NTN1: variants seen among roughly 807,000 people sequenced by gnomAD.
The protein encoded by NTN1 is netrin-1.
In NTN1, 11 loss-of-function variants were observed where a neutral mutation model predicts 54.2. The observed-to-expected ratio is 0.20, with a 90% CI of 0.13 to 0.34. NTN1 has a LOEUF of 0.34. Ranked by LOEUF, NTN1 falls within the 10% of genes least tolerant of loss-of-function variation. The pLI is 1.00. For missense variants in NTN1, 740 were observed against 893.1 expected, an observed-to-expected ratio of 0.83 and a Z score of 2.18; for synonymous variants, 371 against 382.0, an observed-to-expected ratio of 0.97 and a Z score of 0.33.
chr17:9,206,410 G>C (rs1567738596), intron 5 of NTN1, among the ~76,000 whole-genome samples: 1 of 152,194 alleles, frequency 6.6e-6, no homozygotes, highest in Non-Finnish European at 1.5e-5. Flanking sequence ...CATGGTCAGT[G>C]CAGCCCCCAA....
intron 5 of NTN1, among the ~76,000 whole-genome samples, chr17:9,205,657 C>T (rs535997600): frequency 5.4e-4 from 82 of 152,232 alleles, no homozygotes; most frequent in African/African-American, 1.6e-3. Flanking sequence ...TCCTGCATTG[C>T]GATGGGGGGA....
rs1008722240 is a variant in NTN1, at chr17:9,221,087, C to T, written c.1412-81C>T. The stretch of plus-strand genomic sequence containing the variant: ...ACAGGCCTCTGGCTATTTAGGGAGG[C>T]GGCCTCCTACTCTGCCCGCCAGCCT... On this transcript the variant is annotated intron_variant, in intron 5 of 6. Coordinates refer to ENST00000173229, the MANE Select transcript of NTN1 (RefSeq NM_004822.3). The surrounding 1 kb of genome is among the most constrained non-coding windows in gnomAD (Gnocchi z 4.5). 6.0e-5 allele frequency: 61 copies of T among 1,015,106 alleles called. No homozygotes were observed. Among genetic ancestry groups the T allele is most frequent in the Admixed American group, 3.1e-4 (18 of 58,914 alleles). The allele number at this position is 1,015,106 out of a possible 1,614,324, so 62.9% of individuals were successfully genotyped here.
chr17:9,237,125 G>A (rs1906018078), intron 6 of NTN1, among the ~76,000 whole-genome samples: 1 of 152,186 alleles, frequency 6.6e-6, no homozygotes, highest in Non-Finnish European at 1.5e-5. Context: ...TTCTAGGGCT[G>A]CCAGAACAAA....
At chr17:9,020,359 G>A (rs1410076098), upstream of NTN1, among the ~76,000 whole-genome samples, 1 of 152,210 alleles carries the variant, frequency 6.6e-6, no homozygotes, top group Non-Finnish European at 1.5e-5. Context: ...GGCTGCTGTT[G>A]CAAGATGACC....
chr17:9,193,203 TAGCAC>T (rs1281567959), intron 5 of NTN1, among the ~76,000 whole-genome samples: 2 of 152,172 alleles, frequency 1.3e-5, no homozygotes, highest in East Asian at 3.8e-4. Flanking sequence ...TGGTAAAACT[TAGCAC>T]AACCTAAAGT....
chr17:9,202,195 C>T (rs748475251), intron 5 of NTN1, among the ~76,000 whole-genome samples: 15 of 151,164 alleles, frequency 9.9e-5, no homozygotes, highest in Admixed American at 2.6e-4. Context: ...GATCTGAGAT[C>T]GCACCATTGA....
chr17:9,235,728 C>T (rs1250572211), intron 6 of NTN1, among the ~76,000 whole-genome samples: 3 of 129,778 alleles, frequency 2.3e-5, no homozygotes, highest in East Asian at 2.1e-4. Context: ...GCAGCCTCTT[C>T]TTCTTTCTTC....
At chr17:9,064,021 C>CT (rs991478444) in intron 2 of NTN1, among the ~76,000 whole-genome samples, 14 of 151,914 alleles carry the variant, frequency 9.2e-5, no homozygotes, top group African/African-American at 1.9e-4. Flanking sequence ...GTAATGGTCC[C>CT]TTTTTTTTAC....
intron 2 of NTN1, among the ~76,000 whole-genome samples, chr17:9,156,211 A>C (rs1325274824): frequency 1.3e-5 from 2 of 150,780 alleles, no homozygotes. Flanking sequence ...TGGGGCCTGC[A>C]GCCTGCGATG....
intron 2 of NTN1, among the ~76,000 whole-genome samples, chr17:9,151,123 T>C (rs2092326737): frequency 6.6e-6 from 1 of 152,152 alleles, no homozygotes; most frequent in African/African-American, 2.4e-5. Context: ...CCCCCACCCC[T>C]GTCCCTTCCC....
intron 6 of NTN1, among the ~76,000 whole-genome samples, chr17:9,229,681 G>A (rs3785997): frequency 0.3 from 45,148 of 151,890 alleles, 6,942 homozygotes; most frequent in African/African-American, 0.39. Context: ...GGGGATGTCC[G>A]AGATGATGGA....
intron 2 of NTN1, among the ~76,000 whole-genome samples, chr17:9,103,318 A>G (rs1274229828): frequency 1.3e-5 from 2 of 152,108 alleles, no homozygotes; most frequent in Non-Finnish European, 2.9e-5. Flanking sequence ...TATACATGTG[A>G]TATGGTTTGG....
chr17:9,193,099 A>G (rs56688681), intron 5 of NTN1, among the ~76,000 whole-genome samples: 1,988 of 102,420 alleles, frequency 0.019, 63 homozygotes, highest in African/African-American at 0.057. Flanking sequence ...AAAAAAAGAA[A>G]AAGAAAAAAA....
At chr17:9,082,208 C>T (rs989804540) in intron 2 of NTN1, among the ~76,000 whole-genome samples, 15 of 152,204 alleles carry the variant, frequency 9.9e-5, no homozygotes, top group African/African-American at 2.2e-4. Flanking sequence ...TAGAGGCACC[C>T]ACCACCACAT....
At chr17:9,094,538 T>A (rs904807195) in intron 2 of NTN1, among the ~76,000 whole-genome samples, 2 of 152,172 alleles carry the variant, frequency 1.3e-5, no homozygotes, top group African/African-American at 4.8e-5. Context: ...CATTTTAAAA[T>A]CCTTTAAGTC....
intron 2 of NTN1, among the ~76,000 whole-genome samples, chr17:9,085,437 A>G (rs911663409): frequency 1.3e-5 from 2 of 152,218 alleles, no homozygotes; most frequent in African/African-American, 4.8e-5. Flanking sequence ...CTCAGACTTC[A>G]TCATGTGGCC....
chr17:9,159,236 T>C (rs569575274), intron 2 of NTN1, among the ~76,000 whole-genome samples: 52 of 152,198 alleles, frequency 3.4e-4, no homozygotes, highest in Non-Finnish European at 6.6e-4. Flanking sequence ...GAACAGGCAA[T>C]GCACAAAAAA....
chr17:9,136,928 C>T (rs1267207691), intron 2 of NTN1, among the ~76,000 whole-genome samples: 4 of 152,156 alleles, frequency 2.6e-5, no homozygotes, highest in Admixed American at 2.6e-4. Context: ...GACAGTCAGC[C>T]CCCATCACTT....
In NTN1 at chr17:9,135,402, TTCCTCTGGCCTC is replaced by T. The variant is rs1308380300; in HGVS notation, c.1019-27409_1019-27398del. 1.3e-5 allele frequency among the ~76,000 whole-genome samples: 2 copies of T among 152,208 alleles called. No homozygotes were observed. The highest frequency in any genetic ancestry group is 2.4e-5 in the African/African-American group (1 of 41,450). ...CACTAACGTTGTTCTCATGCACGGCTTCCTCTGGCCTCTGAGCCTTTGGACGTCCTTCCCCCT... is the reference window on the plus strand; with the variant it reads ...CACTAACGTTGTTCTCATGCACGGCTTGAGCCTTTGGACGTCCTTCCCCCT... On this transcript the variant is annotated intron_variant, in intron 2 of 6. Transcript: ENST00000173229. The surrounding 1 kb of genome is among the most constrained non-coding windows in gnomAD (Gnocchi z 4.4).
Sources: allele counts gnomAD v4.1 joint callset (sites outside exome capture counted in the v4.1 genomes callset), GRCh38; gene constraint gnomAD v4.1.1; non-coding constraint Gnocchi (gnomAD v3.1); transcripts MANE v1.5; gene names NCBI Gene and HGNC (gene_info 2026-07-23, HGNC 2026-07-21).